The following RYR2 variants were observed in gnomAD, a reference collection of about 807,000 sequenced individuals.
RYR2 encodes cardiac muscle ryanodine receptor-calcium release channel.
RYR2 carries 227 observed loss-of-function variants against 601.1 expected under a neutral mutation model. The observed-to-expected ratio is 0.38, with a 90% confidence interval of 0.34 to 0.42. The LOEUF (loss-of-function observed/expected upper bound fraction) is 0.42. Among genes scored for constraint, RYR2 ranks in the 10% least tolerant of loss-of-function variants. The pLI is 1.00. For synonymous variants in RYR2, 2,223 were observed against 2,175.1 expected (o/e 1.02, Z -0.61); for missense variants, 4,646 against 6,156.5 (o/e 0.75, Z 8.21).
chr1:237,798,806 A>AGT (rs1659599867), intron 97 of RYR2, among the ~76,000 whole-genome samples: 1 of 146,584 alleles, frequency 6.8e-6, no homozygotes, highest in Non-Finnish European at 1.5e-5. Context: ...ACACACATAT[A>AGT]GTGTGAGTGT....
At chr1:237,492,658 T>A (rs773214514) in intron 18 of RYR2, among the ~76,000 whole-genome samples, 5 of 151,948 alleles carry the variant, frequency 3.3e-5, no homozygotes, top group Non-Finnish European at 5.9e-5. Flanking sequence ...CTGGGTAATA[T>A]AGCAATACCC....
In RYR2 at chr1:237,705,255, T is replaced by C. The variant is rs1252667379; in HGVS notation, c.9492T>C (p.Gly3164=). The C allele has an allele frequency of 3.1e-6, 5 of 1,607,264 alleles. No homozygotes were observed. The highest frequency in any genetic ancestry group is 3.4e-6 in the Non-Finnish European group (4 of 1,176,086). ...GAGAATGTCTAGCTGCCTTTGCTGG[T>C]GCTTTTCCTGTAGCATTTTTGGAAA... ...ALGECLAAFA[G]AFPVAFLETH... Residue 3164 remains glycine (G), a synonymous_variant, in exon 67 of 105, where the codon GGT becomes GGC. Transcript: ENST00000366574.
At chr1:237,213,939 T>TA (rs1682887212) in intron 1 of RYR2, among the ~76,000 whole-genome samples, 1 of 145,536 alleles carries the variant, frequency 6.9e-6, no homozygotes, top group Non-Finnish European at 1.5e-5. Flanking sequence ...TTTTTTTTTT[T>TA]AGACAGAGTC....
intron 1 of RYR2, among the ~76,000 whole-genome samples, chr1:237,188,910 T>C (rs1321074785): frequency 6.6e-6 from 1 of 152,214 alleles, no homozygotes; most frequent in Non-Finnish European, 1.5e-5. Context: ...AAACATTAAA[T>C]TTCCCATCTT....
At chr1:237,792,361 GTGT>G (rs1658490284) in intron 94 of RYR2, 38 bp downstream of exon 94, 1 of 845,524 alleles carries the variant, frequency 1.2e-6, no homozygotes, top group South Asian at 1.8e-5. Context: ...GTGTGTGTGT[GTGT>G]GTGTGTGTGT....
intron 4 of RYR2, among the ~76,000 whole-genome samples, chr1:237,358,325 G>C (rs550772237): frequency 1.3e-5 from 2 of 152,220 alleles, no homozygotes; most frequent in Admixed American, 1.3e-4. Context: ...GGATATCTGG[G>C]AAGCTGTTTC....
At chr1:237,114,599 A>G (rs1400133851) in intron 1 of RYR2, among the ~76,000 whole-genome samples, 1 of 152,218 alleles carries the variant, frequency 6.6e-6, no homozygotes, top group Non-Finnish European at 1.5e-5. Flanking sequence ...AAATCCTTTT[A>G]GAAATCATAC....
chr1:237,719,923 A>G (rs1213059239), intron 73 of RYR2, among the ~76,000 whole-genome samples: 1 of 152,226 alleles, frequency 6.6e-6, no homozygotes, highest in Non-Finnish European at 1.5e-5. Flanking sequence ...CTATATCAAT[A>G]GGCTATATCG....
chr1:237,436,212 C>A (rs2150123014), intron 12 of RYR2, among the ~76,000 whole-genome samples: 1 of 152,122 alleles, frequency 6.6e-6, no homozygotes, highest in East Asian at 1.9e-4. Context: ...TCTAAGGTAA[C>A]CTCATTGCAG....
intron 27 of RYR2, among the ~76,000 whole-genome samples, chr1:237,551,885 T>C (rs1383930453): frequency 6.6e-6 from 1 of 152,142 alleles, no homozygotes; most frequent in Non-Finnish European, 1.5e-5. Flanking sequence ...ATTTTACAGA[T>C]AAGGAAACTG....
At chr1:237,362,382 A>T (rs142205148) in intron 4 of RYR2, among the ~76,000 whole-genome samples, 18 of 152,308 alleles carry the variant, frequency 1.2e-4, no homozygotes, top group African/African-American at 4.1e-4. Flanking sequence ...TAAATCAAAT[A>T]GTTAATTTAT....
At position 237,784,565 on chromosome 1, in the gene RYR2, T is replaced by A; in HGVS notation, c.12853T>A (p.Ser4285Thr). The change falls in exon 90 of 105, where the codon TCA becomes ACA. Residue 4285 changes from serine to threonine, a missense_variant. Physicochemically the swap from Ser to Thr is moderately conservative, Grantham distance 58. Coordinates refer to ENST00000366574, the MANE Select transcript of RYR2 (RefSeq NM_001035.3). This position sits in a 1 kb window ranked among gnomAD's most constrained non-coding sequence, Gnocchi z 7.1. ...TVKDMVTAFF[S>T]SYWSIFMTLL... ...GAAGGACATGGTCACGGCCTTCTTT[T>A]CATCCTACTGGAGTATTTTCATGAC... 1 of 1,613,962 alleles carries A rather than the reference T, an allele frequency of 6.2e-7. No homozygotes were observed. Among genetic ancestry groups the A allele is most frequent in the South Asian group, 1.1e-5 (1 of 91,076 alleles).
At position 237,733,916 on chromosome 1, in the gene RYR2, A is replaced by G. The variant is rs76235729; in HGVS notation, c.11091+160A>G. ...CCATGGCAGGTCATCATTGTTTCCTACTTAAACATTTTATTTATGAGGAGC... is the reference window on the plus strand; with the variant it reads ...CCATGGCAGGTCATCATTGTTTCCTGCTTAAACATTTTATTTATGAGGAGC... On this transcript the variant is annotated intron_variant, in intron 79 of 104. Transcript: ENST00000366574. Among the ~76,000 whole-genome samples, 992 of 152,288 alleles carry G rather than the reference A, an allele frequency of 6.5e-3. 33 individuals carry two copies. The highest frequency in any genetic ancestry group is 0.058 in the Admixed American group (885 of 15,290).
Position 237,387,304 on chromosome 1 carries a change from C to T in RYR2, c.600C>T (p.Ser200=), listed in dbSNP as rs754084775. ...RYLHLSYGNG[S]LHVDAAFQQT... ...AGCACTTGTCTTATGGCAACGGCAG[C>T]TTACACGTGGATGCCGCTTTCCAGC... The change falls in exon 9 of 105, where the codon AGC becomes AGT. Residue 200 remains serine, a synonymous_variant. Coordinates refer to ENST00000366574, the MANE Select transcript of RYR2 (RefSeq NM_001035.3). 1.1e-5 allele frequency: 18 copies of T among 1,614,018 alleles called. No homozygotes were observed. Among genetic ancestry groups the T allele is most frequent in the Non-Finnish European group, 1.4e-5 (17 of 1,179,892 alleles).
chr1:237,639,435 T>C (rs1681222667), intron 46 of RYR2, among the ~76,000 whole-genome samples: 2 of 152,016 alleles, frequency 1.3e-5, no homozygotes, highest in Non-Finnish European at 2.9e-5. Flanking sequence ...GAAATTTAGG[T>C]TGTAGAAGAT....
intron 6 of RYR2, among the ~76,000 whole-genome samples, chr1:237,370,223 T>C (rs550192873): frequency 2.0e-5 from 3 of 152,110 alleles, no homozygotes; most frequent in African/African-American, 7.2e-5. Flanking sequence ...CAGCTGACCC[T>C]TGAACAACAC....
chr1:237,210,522 G>T (rs1044910509), intron 1 of RYR2, among the ~76,000 whole-genome samples: 1 of 152,150 alleles, frequency 6.6e-6, no homozygotes, highest in Non-Finnish European at 1.5e-5. Flanking sequence ...GTTGGACTGA[G>T]TCAGGGTTTT....
At chr1:237,481,135 T>G (rs1157490811) in intron 17 of RYR2, among the ~76,000 whole-genome samples, 2 of 103,870 alleles carry the variant, frequency 1.9e-5, no homozygotes. Context: ...TACACACACA[T>G]ATATATATTC....
intron 76 of RYR2, among the ~76,000 whole-genome samples, chr1:237,728,335 C>A (rs1690368073): frequency 6.6e-6 from 1 of 152,138 alleles, no homozygotes; most frequent in African/African-American, 2.4e-5. Flanking sequence ...CTTCTCAATT[C>A]TCTGACTCAA....
Sources: gnomAD v4.1 joint callset for allele counts (sites outside exome capture counted in the v4.1 genomes callset) on GRCh38, gnomAD v4.1.1 for gene constraint, Gnocchi (gnomAD v3.1) non-coding constraint, MANE v1.5 for transcripts, NCBI Gene and HGNC (gene_info 2026-07-23, HGNC 2026-07-21) for gene names.